Variants in DGKI observed in about 807,000 individuals in gnomAD.
The protein encoded by DGKI is DAG kinase iota.
DGKI carries 55 observed loss-of-function variants against 147.5 expected under a neutral mutation model. The observed-to-expected ratio is 0.37, with a 90% CI of 0.30 to 0.47. The LOEUF is 0.47. DGKI is among the 20% of genes least tolerant of loss of function. DGKI has a pLI of 1.00. For missense variants in DGKI, 1,007 were observed against 1,323.8 expected (o/e 0.76, Z 3.71); for synonymous variants, 469 against 477.1 (o/e 0.98, Z 0.22).
chr7:137,473,442 T>C (rs545594979), intron 23 of DGKI, among the ~76,000 whole-genome samples: 1 of 152,278 alleles, frequency 6.6e-6, no homozygotes, highest in South Asian at 2.1e-4. Context: ...ATGTTCATTT[T>C]CCTGGACAGA....
At chr7:137,598,595 A>G (rs187474699) in intron 11 of DGKI, among the ~76,000 whole-genome samples, 2 of 152,264 alleles carry the variant, frequency 1.3e-5, no homozygotes, top group East Asian at 3.9e-4. Flanking sequence ...TCTCAGGAAA[A>G]TGCATTGACA....
chr7:137,778,048 A>G (rs1476851481), intron 1 of DGKI, among the ~76,000 whole-genome samples: 1 of 152,258 alleles, frequency 6.6e-6, no homozygotes, highest in Non-Finnish European at 1.5e-5. Flanking sequence ...TCACAGTGTA[A>G]TAAGTGATTA....
At chr7:137,681,920 CTGTCT>C (rs1823250521) in intron 2 of DGKI, among the ~76,000 whole-genome samples, 1 of 152,272 alleles carries the variant, frequency 6.6e-6, no homozygotes, top group African/African-American at 2.4e-5. Context: ...GCAGTCAACG[CTGTCT>C]ACAGGACCAA....
At chr7:137,763,536 T>C (rs1395907936) in intron 1 of DGKI, among the ~76,000 whole-genome samples, 2 of 152,370 alleles carry the variant, frequency 1.3e-5, no homozygotes, top group East Asian at 1.9e-4. Context: ...TGTTCAAGAA[T>C]GTTTTATGGA....
At chr7:137,401,892 T>C (rs546313693) in intron 30 of DGKI, among the ~76,000 whole-genome samples, 2 of 152,218 alleles carry the variant, frequency 1.3e-5, no homozygotes, top group Non-Finnish European at 2.9e-5. Context: ...CAGTTGTCAT[T>C]TGAACTCTGC....
intron 19 of DGKI, 150 bp downstream of exon 19, chr7:137,571,025 T>G: frequency 1.7e-6 from 1 of 575,462 alleles, no homozygotes; most frequent in South Asian, 2.9e-5. Flanking sequence ...TAAATGATGA[T>G]TTTTTTTCTT....
chr7:137,648,403 A>G (rs748609268), intron 5 of DGKI, among the ~76,000 whole-genome samples: 6 of 152,232 alleles, frequency 3.9e-5, no homozygotes, highest in Non-Finnish European at 8.8e-5. Context: ...AATTATTTAG[A>G]AATCTTAACA....
intron 19 of DGKI, among the ~76,000 whole-genome samples, chr7:137,558,292 A>G (rs1818294646): frequency 6.6e-6 from 1 of 151,806 alleles, no homozygotes; most frequent in East Asian, 1.9e-4. Flanking sequence ...TTATTTATTT[A>G]TGTTTGAGAT....
chr7:137,451,819 TTTTC>T (rs200453696), intron 27 of DGKI, among the ~76,000 whole-genome samples: 18 of 152,064 alleles, frequency 1.2e-4, no homozygotes, highest in Non-Finnish European at 2.2e-4. Flanking sequence ...CACTGTCCAG[TTTTC>T]TTTCTTTTTA....
intron 1 of DGKI, among the ~76,000 whole-genome samples, chr7:137,741,747 T>C (rs1351249492): frequency 2.0e-5 from 3 of 152,260 alleles, no homozygotes; most frequent in Admixed American, 2.0e-4. Context: ...TTAAGATAAT[T>C]CTCTCAACAA....
At chr7:137,493,083 G>A (rs1044294332) in intron 21 of DGKI, among the ~76,000 whole-genome samples, 4 of 152,086 alleles carry the variant, frequency 2.6e-5, no homozygotes, top group Non-Finnish European at 5.9e-5. Flanking sequence ...CTGCTGGGAC[G>A]TATCTACGAC....
In DGKI at chr7:137,656,491, G is replaced by A. The variant is rs78309990; in HGVS notation, c.656C>T (p.Thr219Ile). Residue 219 changes from threonine to isoleucine, a missense_variant, in exon 4 of 33, where the codon ACC (threonine) becomes ATC (isoleucine). By Grantham distance (89) the Thr-to-Ile change is moderately conservative (BLOSUM62 -1). This residue lies in a region of DGKI where 259 missense variants were observed against 362.5 expected (regional missense o/e 0.71). Coordinates refer to ENST00000614521, the MANE Select transcript of DGKI (RefSeq NM_001321708.2). ...CTTTTCTAGCTGCTCAATGCAGGCG[G>A]TGTGGACGACGATTTTACAGACTGC... is the stretch of plus-strand genomic sequence containing the variant. ...KCAVCKIVVH[T>I]ACIEQLEKIN... 6.2e-6 allele frequency: 10 copies of A among 1,614,154 alleles called. No individual in the cohort carries two copies. The Middle Eastern group carries it at 6.6e-4, about 107-fold the overall frequency.
intron 20 of DGKI, among the ~76,000 whole-genome samples, chr7:137,540,508 C>T (rs1217125357): frequency 6.6e-6 from 1 of 151,862 alleles, no homozygotes; most frequent in African/African-American, 2.4e-5. Flanking sequence ...ACAAGGTCAA[C>T]ATATAAAACT....
chr7:137,784,536 A>G (rs1015259601), intron 1 of DGKI, among the ~76,000 whole-genome samples: 1 of 152,170 alleles, frequency 6.6e-6, no homozygotes, highest in Non-Finnish European at 1.5e-5. Flanking sequence ...GGGGACTTTA[A>G]TACTCCACTG....
chr7:137,432,422 T>C (rs1344765589), intron 28 of DGKI, among the ~76,000 whole-genome samples: 1 of 152,202 alleles, frequency 6.6e-6, no homozygotes, highest in East Asian at 1.9e-4. Flanking sequence ...ATGCCCATTT[T>C]TTGGCTGTCT....
chr7:137,687,759 C>T (rs1031191768), intron 2 of DGKI, among the ~76,000 whole-genome samples: 2 of 152,134 alleles, frequency 1.3e-5, no homozygotes, highest in Non-Finnish European at 2.9e-5. Context: ...GATCTCTAAG[C>T]CCTCAGATGG....
chr7:137,646,108 A>G (rs910631321), intron 5 of DGKI, among the ~76,000 whole-genome samples: 1 of 152,228 alleles, frequency 6.6e-6, no homozygotes, highest in Non-Finnish European at 1.5e-5. Flanking sequence ...GGAAAGGTGA[A>G]GGGGAGAAGC....
rs181520225 is a variant in DGKI, at chr7:137,565,317, C to G, written c.1947+5858G>C. Among the ~76,000 whole-genome samples the G allele has an allele frequency of 2.4e-3, 362 of 151,866 alleles. 1 individual carries two copies. Among genetic ancestry groups the G allele is most frequent in the Non-Finnish European group, 2.4e-3 (165 of 67,930 alleles). ...TATTTTTAAAAATGTAAAAATAAAGCAATTAGAAACACATCAAATATAGTT... is the reference window on the plus strand; with the variant it reads ...TATTTTTAAAAATGTAAAAATAAAGGAATTAGAAACACATCAAATATAGTT... On this transcript the variant is annotated intron_variant, in intron 19 of 32. Transcript: ENST00000614521.
At chr7:137,651,917 T>C (rs995676586) in intron 5 of DGKI, among the ~76,000 whole-genome samples, 1 of 152,138 alleles carries the variant, frequency 6.6e-6, no homozygotes, top group African/African-American at 2.4e-5. Flanking sequence ...ATTTAGCATA[T>C]AGGAGATCAT....
Sources: allele counts gnomAD v4.1 joint callset (sites outside exome capture counted in the v4.1 genomes callset), GRCh38; gene constraint gnomAD v4.1.1; regional missense constraint gnomAD v4.1.1; transcripts MANE v1.5; gene names NCBI Gene and HGNC (gene_info 2026-07-23, HGNC 2026-07-21).